The following SLC18B1 variants were observed in gnomAD, a reference collection of about 807,000 sequenced individuals.
SLC18B1 encodes solute carrier family 18 member B1.
SLC18B1 carries 62 observed loss-of-function variants against 53.9 expected under a neutral mutation model. The observed-to-expected ratio is 1.15, with a 90% CI of 0.94 to 1.42. The LOEUF (loss-of-function observed/expected upper bound fraction) is 1.42, where lower values mean the gene tolerates loss of function less well. Among genes scored for constraint, SLC18B1 ranks in the 40% most tolerant of loss-of-function variants. The pLI is 0.00. For missense variants in SLC18B1, 598 were observed against 547.3 expected (o/e 1.09, Z -0.93); for synonymous variants, 217 against 200.9 (o/e 1.08, Z -0.68).
chr6:132,790,027 C>T (rs1224405072), intron 3 of SLC18B1, 150 bp downstream of exon 3: 2 of 709,016 alleles, frequency 2.8e-6, no homozygotes. Flanking sequence ...AATCAATCAA[C>T]TCTGAGGAGA....
intron 7 of SLC18B1, among the ~76,000 whole-genome samples, chr6:132,778,215 C>A (rs889800995): frequency 6.6e-6 from 1 of 152,132 alleles, no homozygotes; most frequent in Non-Finnish European, 1.5e-5. Flanking sequence ...GGAATGTCAT[C>A]TTTTATGGTT....
chr6:132,787,948 T>G (rs1334549835), intron 4 of SLC18B1, among the ~76,000 whole-genome samples: 1 of 151,836 alleles, frequency 6.6e-6, no homozygotes, highest in Non-Finnish European at 1.5e-5. Context: ...AATCACGAAG[T>G]CAGGAGATCG....
At chr6:132,780,480 C>T (rs1262120017) in intron 6 of SLC18B1, among the ~76,000 whole-genome samples, 1 of 151,456 alleles carries the variant, frequency 6.6e-6, no homozygotes, top group Non-Finnish European at 1.5e-5. Context: ...CAAATATAAA[C>T]ATCATGCAGT....
chr6:132,772,727 T>C (rs972225240), intron 10 of SLC18B1, among the ~76,000 whole-genome samples: 3 of 152,198 alleles, frequency 2.0e-5, no homozygotes, highest in African/African-American at 7.2e-5. Context: ...TCTATTTTGC[T>C]TTAGCTTTTC....
chr6:132,796,155 T>C (rs1781672377), intron 2 of SLC18B1, among the ~76,000 whole-genome samples: 4 of 149,448 alleles, frequency 2.7e-5, no homozygotes, highest in Admixed American at 2.0e-4. Flanking sequence ...GAGACCATCC[T>C]GGCTAACACG....
intron 8 of SLC18B1, 88 bp downstream of exon 8, chr6:132,776,240 G>C: frequency 2.0e-6 from 2 of 1,011,462 alleles, no homozygotes; most frequent in South Asian, 2.9e-5. Flanking sequence ...AGTCTAACCA[G>C]TGGAATCCTA....
chr6:132,778,392 C>T (rs1374102106), intron 7 of SLC18B1, among the ~76,000 whole-genome samples: 1 of 151,984 alleles, frequency 6.6e-6, no homozygotes, highest in East Asian at 1.9e-4. Context: ...AATAACAGTC[C>T]CCAAGTTTAC....
rs781409028 is a variant in SLC18B1 at position 132,784,002 on chromosome 6, G to A, written c.589C>T (p.Pro197Ser). Residue 197 changes from proline to serine, a missense_variant, in exon 6 of 14, where the codon CCT becomes TCT. Pro to Ser is a moderately conservative substitution (Grantham distance 74). Coordinates refer to ENST00000275227, the MANE Select transcript of SLC18B1 (RefSeq NM_052831.3). ...FLYQSFGYEV[P>S]FIVLGCVVLL... The stretch of plus-strand genomic sequence containing the variant: ...ACGACGCATCCCAGAACAATAAAAG[G>A]CACTTCATAGCCAAAGGATTGATAC... 1.2e-6 allele frequency: 2 copies of A among 1,610,850 alleles called. No individual in the cohort carries two copies.
At chr6:132,793,348 A>G (rs997603571) in intron 2 of SLC18B1, among the ~76,000 whole-genome samples, 1 of 152,252 alleles carries the variant, frequency 6.6e-6, no homozygotes, top group African/African-American at 2.4e-5. Flanking sequence ...TCAGAAATGA[A>G]AAATCAAAGC....
intron 7 of SLC18B1, among the ~76,000 whole-genome samples, chr6:132,778,045 A>G (rs1395772355): frequency 6.6e-6 from 1 of 152,174 alleles, no homozygotes; most frequent in Non-Finnish European, 1.5e-5. Flanking sequence ...GGCTTTGGGT[A>G]GGTAATGGAA....
chr6:132,782,114 G>A (rs746885702), intron 6 of SLC18B1, among the ~76,000 whole-genome samples: 4 of 151,698 alleles, frequency 2.6e-5, no homozygotes, highest in Admixed American at 6.6e-5. Context: ...CTTGATCCTG[G>A]GAGGCGGAGG....
intron 2 of SLC18B1, among the ~76,000 whole-genome samples, chr6:132,792,284 G>GAAAGAAAGAAAGAAAGA (rs1461079612): frequency 0.021 from 797 of 37,758 alleles, 166 homozygotes; most frequent in South Asian, 0.028. Flanking sequence ...AGAAAGAAAG[G>GAAAGAAAGAAAGAAAGA]AAGAAAGGAA....
chr6:132,774,445 T>C, intron 8 of SLC18B1, 132 bp from the exon 9 acceptor site: 1 of 614,764 alleles, frequency 1.6e-6, no homozygotes, highest in Non-Finnish European at 2.8e-6. Flanking sequence ...AAAACAAAAC[T>C]TTACATTTAA....
chr6:132,791,896 A>G (rs1328345400), intron 2 of SLC18B1, among the ~76,000 whole-genome samples: 2 of 152,102 alleles, frequency 1.3e-5, no homozygotes, highest in Non-Finnish European at 2.9e-5. Flanking sequence ...AGGTTCCTCA[A>G]AAAGAAAGTA....
Position 132,784,102 on chromosome 6 carries a change from A to G in SLC18B1, c.502-13T>C. On this transcript the variant is annotated splice_polypyrimidine_tract_variant and intron_variant, in intron 5 of 13. Transcript: ENST00000275227. ...TCTCAAGACTTCCCTTAAAATGAGA[A>G]AAAGAAAAAATCAGTTTAAATATTT... 6.5e-7 allele frequency: 1 copy of G among 1,537,730 alleles called. No individual in the cohort carries two copies. Among genetic ancestry groups the G allele is most frequent in the African/African-American group, 1.4e-5 (1 of 70,978 alleles).
At chr6:132,796,532 G>GA (rs56286125) in intron 2 of SLC18B1, among the ~76,000 whole-genome samples, 7,342 of 77,800 alleles carry the variant, frequency 0.094, 353 homozygotes, top group Non-Finnish European at 0.12. Flanking sequence ...GTCTCGAAAG[G>GA]AAAAAAAAAA....
chr6:132,798,363 CCGGAAGCCG>C, intron 1 of SLC18B1, 42 bp downstream of exon 1: 2 of 1,494,160 alleles, frequency 1.3e-6, no homozygotes. Flanking sequence ...AAGAGACACG[CCGGAAGCCG>C]CCGCTGGTCT....
In SLC18B1 at chr6:132,784,018, G is replaced by C. The variant is rs568919244; in HGVS notation, c.573C>G (p.Ser191=). 8.1e-6 allele frequency: 13 copies of C among 1,610,474 alleles called. No individual in the cohort carries two copies. The highest frequency in any genetic ancestry group is 5.1e-5 in the Admixed American group (3 of 59,306). ...CAATAAAAGGCACTTCATAGCCAAAGGATTGATACAAAAAGCCACCTACAG... is the reference window on the plus strand; with the variant it reads ...CAATAAAAGGCACTTCATAGCCAAACGATTGATACAAAAAGCCACCTACAG... The part of the protein sequence containing the change: ...GPPVGGFLYQ[S]FGYEVPFIVL... Residue 191 remains serine (S), a synonymous_variant, in exon 6 of 14, where the codon TCC becomes TCG. Coordinates refer to ENST00000275227, the MANE Select transcript of SLC18B1 (RefSeq NM_052831.3).
Position 132,772,127 on chromosome 6 carries a change from C to T in SLC18B1, c.1160+5G>A. ...AAAAAAGAAAGAAATTAAATGACTA[C>T]TCACCCAATTGACCACATTGCACTA... On this transcript the variant is annotated splice_donor_5th_base_variant and intron_variant, in intron 11 of 13. Transcript: ENST00000275227. 6.6e-6 allele frequency: 10 copies of T among 1,515,382 alleles called. No homozygotes were observed. Among genetic ancestry groups the T allele is most frequent in the Non-Finnish European group, 8.9e-6 (10 of 1,119,344 alleles). 93.9% of individuals were successfully genotyped at this position (1,515,382 alleles called of 1,614,324 possible).
Sources: allele counts gnomAD v4.1 joint callset (sites outside exome capture counted in the v4.1 genomes callset), GRCh38; gene constraint gnomAD v4.1.1; transcripts MANE v1.5; gene names NCBI Gene and HGNC (gene_info 2026-07-23, HGNC 2026-07-21).